SPTLC2: variants seen among roughly 807,000 people sequenced by gnomAD.
The protein encoded by SPTLC2 is serine palmitoyltransferase 2.
A neutral mutation model predicts 62.0 loss-of-function variants in SPTLC2; 21 were observed. The observed-to-expected ratio is 0.34, with a 90% CI of 0.24 to 0.49. The LOEUF (loss-of-function observed/expected upper bound fraction) is 0.49, where lower values mean the gene tolerates loss of function less well. SPTLC2 is among the 20% of genes least tolerant of loss of function. SPTLC2 has a pLI of 0.99. For missense variants in SPTLC2, 511 were observed against 713.0 expected (o/e 0.72, Z 3.23); for synonymous variants, 261 against 261.8 (o/e 1.00, Z 0.03).
Position 77,510,269 on chromosome 14 carries a change from T to G in SPTLC2, c.*2015A>C, listed in dbSNP as rs1262344488. The G allele has an allele frequency of 4.4e-6, 1 of 225,934 alleles. No individual in the cohort carries two copies. Among genetic ancestry groups the G allele is most frequent in the Non-Finnish European group, 8.5e-6 (1 of 117,494 alleles). The allele number at this position is 225,934 out of a possible 1,614,324, so 14.0% of individuals were successfully genotyped here. The stretch of plus-strand genomic sequence containing the variant: ...ACTTTGGAATATCTCAAGGGCTTAT[T>G]AAAGTTCTCAGATGCTGACAGTGAC... On this transcript the variant is annotated 3_prime_UTR_variant, in exon 12 of 12. Transcript: ENST00000216484.
At chr14:77,521,614 T>C in intron 9 of SPTLC2, 33 bp from the exon 10 acceptor site, 1 of 1,603,120 alleles carries the variant, frequency 6.2e-7, no homozygotes, top group Non-Finnish European at 8.5e-7. Flanking sequence ...AACAAAATAA[T>C]CCTAAGTAAA....
At position 77,576,781 on chromosome 14, in the gene SPTLC2, G is replaced by C. The variant is rs2079718228; in HGVS notation, c.617C>G (p.Thr206Ser). Residue 206 changes from threonine (T) to serine (S), a missense_variant, in exon 4 of 12, where the codon ACT becomes AGT. Coordinates refer to ENST00000216484, the MANE Select transcript of SPTLC2 (RefSeq NM_004863.4). ...LEEYGAGVCSTRQEIGNLDKH... is the reference protein window; with the variant it reads ...LEEYGAGVCSSRQEIGNLDKH... ...CTTTCACTTACCAATTTCCTGCCGA[G>C]TACTGCACACTCCAGCTCCATACTC... 6.2e-7 allele frequency: 1 copy of C among 1,614,178 alleles called. No individual in the cohort carries two copies. Among genetic ancestry groups the C allele is most frequent in the Admixed American group, 1.7e-5 (1 of 60,024 alleles).
rs754816749 is a variant in SPTLC2 at position 77,509,906 on chromosome 14, C to T, written c.*2378G>A. 36 of 398,358 alleles carry T rather than the reference C, an allele frequency of 9.0e-5. No individual in the cohort carries two copies. The Middle Eastern group carries it at 1.9e-3, about 21-fold the overall frequency. The allele number at this position is 398,358 out of a possible 1,614,324, so 24.7% of individuals were successfully genotyped here. On this transcript the variant is annotated 3_prime_UTR_variant, in exon 12 of 12. Coordinates refer to ENST00000216484, the MANE Select transcript of SPTLC2 (RefSeq NM_004863.4). ...AAGTGATATAGATATATTTTAAATG[C>T]CGGTACTGACATTTGAATTTGCAGT... is the stretch of plus-strand genomic sequence containing the variant.
intron 2 of SPTLC2, among the ~76,000 whole-genome samples, chr14:77,580,606 C>G (rs935706939): frequency 6.7e-6 from 1 of 149,724 alleles, no homozygotes; most frequent in East Asian, 1.9e-4. Context: ...GCCTGTAACC[C>G]CAACACTTCG....
At chr14:77,574,039 T>C (rs1021349287) in intron 4 of SPTLC2, among the ~76,000 whole-genome samples, 1 of 152,172 alleles carries the variant, frequency 6.6e-6, no homozygotes, top group African/African-American at 2.4e-5. Context: ...CTAGGAAGGT[T>C]TCTCCAGAGC....
chr14:77,512,064 C>T lies in SPTLC2; in HGVS notation c.*220G>A, dbSNP rs531922029. On this transcript the variant is annotated 3_prime_UTR_variant, in exon 12 of 12. Coordinates refer to ENST00000216484, the MANE Select transcript of SPTLC2 (RefSeq NM_004863.4). ...AATGGACTGAAAAAGCAAAGTGAGT[C>T]ACCTTCGTTTTTAAAGGTGAGATTT... is the stretch of plus-strand genomic sequence containing the variant. 2 of 600,106 alleles carry T rather than the reference C, an allele frequency of 3.3e-6. No homozygotes were observed. The highest frequency in any genetic ancestry group is 5.8e-6 in the Non-Finnish European group (2 of 344,144). The allele number at this position is 600,106 out of a possible 1,614,324, so 37.2% of individuals were successfully genotyped here.
rs756155597 is a variant in SPTLC2, at chr14:77,552,115, C to T, written c.1284G>A (p.Gly428=). The T allele has an allele frequency of 6.2e-7, 1 of 1,614,130 alleles. No homozygotes were observed. The highest frequency in any genetic ancestry group is 8.5e-7 in the Non-Finnish European group (1 of 1,180,020). ...ACTTACCAAGGCTGGTGCCATCCTG[C>T]CCCATGATGCACTTCATGGAGGTGA... ...QIITSMKCIM[G]QDGTSLGKEC... Residue 428 remains glycine, a synonymous_variant, in exon 9 of 12, where the codon GGG becomes GGA. Coordinates refer to ENST00000216484, the MANE Select transcript of SPTLC2 (RefSeq NM_004863.4).
chr14:77,537,208 G>A (rs771020693), intron 9 of SPTLC2, among the ~76,000 whole-genome samples: 2 of 151,676 alleles, frequency 1.3e-5, no homozygotes, highest in African/African-American at 2.4e-5. Flanking sequence ...GTGAGCCACT[G>A]CACCTGGCCT....
At chr14:77,528,317 C>T (rs1273567674) in intron 9 of SPTLC2, among the ~76,000 whole-genome samples, 10 of 152,018 alleles carry the variant, frequency 6.6e-5, no homozygotes, top group East Asian at 1.9e-4. Context: ...TAGCAACCTC[C>T]GCCTCCCGGG....
intron 9 of SPTLC2, among the ~76,000 whole-genome samples, chr14:77,525,222 CTGTAG>C (rs2079403113): frequency 6.6e-6 from 1 of 151,510 alleles, no homozygotes; most frequent in Non-Finnish European, 1.5e-5. Context: ...GAGTTTGGGG[CTGTAG>C]TGAGCTATGA....
chr14:77,614,976 A>C lies in SPTLC2; in HGVS notation c.132+1472T>G, dbSNP rs150859847. Among the ~76,000 whole-genome samples, 1,394 of 151,304 alleles carry C rather than the reference A, an allele frequency of 9.2e-3. 23 individuals carry two copies. Among genetic ancestry groups the C allele is most frequent in the African/African-American group, 0.031 (1,272 of 41,292 alleles). On this transcript the variant is annotated intron_variant, in intron 1 of 11. Coordinates refer to ENST00000216484, the MANE Select transcript of SPTLC2 (RefSeq NM_004863.4). ...ACAAGAGCAAAACTGTCTGAAAAAA[A>C]AAAACAAAAACAAAAACAAAAAAAA...
At chr14:77,548,011 T>C (rs578083386) in intron 9 of SPTLC2, among the ~76,000 whole-genome samples, 234 of 151,906 alleles carry the variant, frequency 1.5e-3, no homozygotes, top group Non-Finnish European at 3.0e-3. Context: ...GAGCCAAACC[T>C]AGTTTTAATT....
chr14:77,534,830 C>CT lies in SPTLC2; in HGVS notation c.1304-13250dup, dbSNP rs546914119. ...CAAATGAAACAGACAAAACTCCTGCCTTTATGCAGCTTACATTCCAGTGTG... is the reference window on the plus strand; with the variant it reads ...CAAATGAAACAGACAAAACTCCTGCCTTTTATGCAGCTTACATTCCAGTGTG... On this transcript the variant is annotated intron_variant, in intron 9 of 11. Transcript: ENST00000216484. Among the ~76,000 whole-genome samples, 550 of 152,254 alleles carry CT rather than the reference C, an allele frequency of 3.6e-3. 1 individual carries two copies. The highest frequency in any genetic ancestry group is 0.012 in the African/African-American group (497 of 41,560).
chr14:77,558,397 G>A (rs1334794478), intron 6 of SPTLC2, among the ~76,000 whole-genome samples: 1 of 152,074 alleles, frequency 6.6e-6, no homozygotes, highest in Admixed American at 6.6e-5. Context: ...GGAGGAAGGA[G>A]TTATAAAAGT....
At chr14:77,527,016 G>A (rs559429303) in intron 9 of SPTLC2, among the ~76,000 whole-genome samples, 1 of 151,274 alleles carries the variant, frequency 6.6e-6, no homozygotes, top group South Asian at 2.1e-4. Flanking sequence ...GGATGATGTC[G>A]ATCTCCTGAC....
intron 9 of SPTLC2, among the ~76,000 whole-genome samples, chr14:77,544,952 G>C (rs2079520129): frequency 6.6e-6 from 1 of 151,904 alleles, no homozygotes; most frequent in Admixed American, 6.6e-5. Flanking sequence ...CCTGTTCCTT[G>C]GCTGTAAATC....
At chr14:77,603,442 C>A (rs913820124) in intron 1 of SPTLC2, among the ~76,000 whole-genome samples, 4 of 152,170 alleles carry the variant, frequency 2.6e-5, no homozygotes, top group African/African-American at 9.7e-5. Flanking sequence ...GTACTGGCCT[C>A]TCCCTACTGC....
At chr14:77,538,720 G>A (rs1012258109) in intron 9 of SPTLC2, among the ~76,000 whole-genome samples, 1 of 152,034 alleles carries the variant, frequency 6.6e-6, no homozygotes, top group Non-Finnish European at 1.5e-5. Context: ...ACAGGCATGC[G>A]TCACCACATC....
chr14:77,580,282 A>C (rs1566786431), intron 2 of SPTLC2, among the ~76,000 whole-genome samples: 1 of 152,080 alleles, frequency 6.6e-6, no homozygotes, highest in South Asian at 2.1e-4. Flanking sequence ...CAGGAGTTCA[A>C]GACCAGCCTG....
Sources: gnomAD v4.1 joint callset for allele counts (sites outside exome capture counted in the v4.1 genomes callset) on GRCh38, gnomAD v4.1.1 for gene constraint, MANE v1.5 for transcripts, NCBI Gene and HGNC (gene_info 2026-07-23, HGNC 2026-07-21) for gene names.